Variants in FBXW11 observed in about 807,000 individuals in gnomAD.
FBXW11 encodes F-box/WD repeat-containing protein 11.
A neutral mutation model predicts 77.6 loss-of-function variants in FBXW11; 19 were observed. The ratio of observed to expected loss-of-function variants is 0.24; its 90% CI spans 0.17 to 0.36. The LOEUF (loss-of-function observed/expected upper bound fraction) is 0.36. Ranked by LOEUF, FBXW11 falls within the 10% of genes least tolerant of loss-of-function variation. The pLI, the probability that FBXW11 is intolerant of heterozygous loss-of-function variation, is 1.00. For synonymous variants in FBXW11, 235 were observed against 249.4 expected, an observed-to-expected ratio of 0.94 and a Z score of 0.54; for missense variants, 334 against 704.2, an observed-to-expected ratio of 0.47 and a Z score of 5.95.
At chr5:171,998,349 T>A (rs1475938462) in intron 1 of FBXW11, among the ~76,000 whole-genome samples, 1 of 147,824 alleles carries the variant, frequency 6.8e-6, no homozygotes, top group African/African-American at 2.6e-5. Context: ...TTTTTTTTTT[T>A]TTTTAAGTAG....
chr5:171,880,326 C>T (rs953772969), intron 7 of FBXW11, among the ~76,000 whole-genome samples: 3 of 152,234 alleles, frequency 2.0e-5, no homozygotes, highest in Non-Finnish European at 4.4e-5. Context: ...GCCAGCACCA[C>T]ACCACTGTGA....
intron 6 of FBXW11, among the ~76,000 whole-genome samples, chr5:171,893,005 C>G (rs1362855874): frequency 6.6e-6 from 1 of 152,170 alleles, no homozygotes; most frequent in Non-Finnish European, 1.5e-5. Flanking sequence ...CTGAAAGCTA[C>G]ATGCCAGGCA....
At chr5:171,872,800 T>C (rs566212117) in intron 10 of FBXW11, 72 bp downstream of exon 10, 1 of 1,082,482 alleles carries the variant, frequency 9.2e-7, no homozygotes, top group Non-Finnish European at 1.4e-6. Context: ...GTTTTGAGCA[T>C]TAGAACTAGG....
At chr5:171,924,723 G>A (rs867770414) in intron 2 of FBXW11, among the ~76,000 whole-genome samples, 1 of 152,086 alleles carries the variant, frequency 6.6e-6, no homozygotes, top group Non-Finnish European at 1.5e-5. Flanking sequence ...CAGGGCGACA[G>A]GATTAAATGA....
chr5:172,002,590 C>T (rs745503850), intron 1 of FBXW11, among the ~76,000 whole-genome samples: 1 of 150,254 alleles, frequency 6.7e-6, no homozygotes, highest in African/African-American at 2.4e-5. Flanking sequence ...AACAACCCCA[C>T]TCACCCCGAG....
intron 6 of FBXW11, among the ~76,000 whole-genome samples, chr5:171,892,379 A>G (rs1312304771): frequency 1.3e-5 from 2 of 152,230 alleles, no homozygotes. Context: ...ACAAGAAAAC[A>G]GAGTTTAATT....
intron 2 of FBXW11, among the ~76,000 whole-genome samples, chr5:171,928,180 TA>T (rs1205985357): frequency 6.6e-6 from 1 of 152,226 alleles, no homozygotes; most frequent in Non-Finnish European, 1.5e-5. Context: ...GCATATACAT[TA>T]ATTTCTTTTC....
intron 7 of FBXW11, among the ~76,000 whole-genome samples, chr5:171,884,700 C>G (rs1375578195): frequency 6.6e-6 from 1 of 152,072 alleles, no homozygotes; most frequent in African/African-American, 2.4e-5. Flanking sequence ...TTGATTCTAC[C>G]CATCCATGAG....
At chr5:171,929,784 G>A (rs1222704108) in intron 2 of FBXW11, among the ~76,000 whole-genome samples, 5 of 152,282 alleles carry the variant, frequency 3.3e-5, no homozygotes, top group South Asian at 4.1e-4. Context: ...CCCGGGAGGC[G>A]GAGGTTGCAG....
chr5:171,870,091 T>A (rs1025931377), intron 11 of FBXW11, among the ~76,000 whole-genome samples: 1 of 152,208 alleles, frequency 6.6e-6, no homozygotes, highest in Non-Finnish European at 1.5e-5. Flanking sequence ...TGATAACCTA[T>A]GTCACCAAAT....
intron 13 of FBXW11, among the ~76,000 whole-genome samples, chr5:171,867,432 C>A (rs1455521579): frequency 2.7e-5 from 4 of 148,496 alleles, no homozygotes; most frequent in Non-Finnish European, 4.4e-5. Context: ...AATGTAAAAA[C>A]TATTCTTAGC....
At chr5:171,941,144 G>C (rs921801533) in intron 2 of FBXW11, among the ~76,000 whole-genome samples, 11 of 152,102 alleles carry the variant, frequency 7.2e-5, no homozygotes, top group Non-Finnish European at 1.2e-4. Context: ...AATGAAGAAG[G>C]CTTGATAGAC....
Position 172,005,954 on chromosome 5 carries a change from C to A in FBXW11, c.45+504G>T, listed in dbSNP as rs1323641856. Among the ~76,000 whole-genome samples the A allele has an allele frequency of 5.9e-5, 9 of 152,282 alleles. No individual in the cohort carries two copies. In the East Asian group the frequency reaches 9.7e-4, roughly 16 times the overall value. On this transcript the variant is annotated intron_variant, in intron 1 of 13. Coordinates refer to ENST00000517395, the MANE Select transcript of FBXW11 (RefSeq NM_001378974.1). Reference sequence around the variant, plus strand: ...AGCTCTGTAGGGCCTATCCTGGCATCCACACAGACCTAGGCTGGGGAGTGG... The same window carrying A: ...AGCTCTGTAGGGCCTATCCTGGCATACACACAGACCTAGGCTGGGGAGTGG...
chr5:171,958,819 C>T (rs7730547), intron 1 of FBXW11, among the ~76,000 whole-genome samples: 9,250 of 152,120 alleles, frequency 0.061, 352 homozygotes, highest in South Asian at 0.18. Flanking sequence ...TTGGGTTCAA[C>T]CAAAACATCC....
intron 9 of FBXW11, among the ~76,000 whole-genome samples, chr5:171,875,813 G>A (rs763842810): frequency 6.6e-5 from 10 of 151,988 alleles, no homozygotes; most frequent in East Asian, 3.9e-4. Context: ...CCTAGCATCC[G>A]GCCCAGAGTC....
intron 1 of FBXW11, among the ~76,000 whole-genome samples, chr5:172,002,197 T>C (rs144738787): frequency 1.1e-4 from 16 of 152,294 alleles, no homozygotes; most frequent in African/African-American, 2.9e-4. Flanking sequence ...TGAATCTATG[T>C]AATGGCTGAG....
At position 172,006,470 on chromosome 5, in the gene FBXW11, G is replaced by A. The variant is rs1343369612; in HGVS notation, c.33C>T (p.Thr11=). 7 of 1,557,890 alleles carry A rather than the reference G, an allele frequency of 4.5e-6. No individual in the cohort carries two copies. Among genetic ancestry groups the A allele is most frequent in the South Asian group, 1.2e-5 (1 of 84,236 alleles). MEPDSVIEDK[T]IELMCSVPRS... ...GGGCCGCACTCACCATGAGCTCGAT[G>A]GTCTTGTCCTCAATCACCGAGTCGG... The change falls in exon 1 of 14, where the codon ACC becomes ACT. Residue 11 remains threonine, a synonymous_variant. Coordinates refer to ENST00000517395, the MANE Select transcript of FBXW11 (RefSeq NM_001378974.1).
intron 1 of FBXW11, among the ~76,000 whole-genome samples, chr5:171,985,372 C>T (rs186318663): frequency 5.9e-5 from 9 of 152,288 alleles, no homozygotes; most frequent in African/African-American, 9.6e-5. Context: ...CACCTGTAAC[C>T]CCAACAGCTC....
chr5:171,926,670 T>C (rs1304700148), intron 2 of FBXW11, among the ~76,000 whole-genome samples: 2 of 152,198 alleles, frequency 1.3e-5, no homozygotes, highest in Admixed American at 1.3e-4. Flanking sequence ...GCTTCCTATA[T>C]AGCCTGCAGA....
Sources: gnomAD v4.1 joint callset for allele counts (sites outside exome capture counted in the v4.1 genomes callset) on GRCh38, gnomAD v4.1.1 for gene constraint, MANE v1.5 for transcripts, NCBI Gene and HGNC (gene_info 2026-07-23, HGNC 2026-07-21) for gene names.